The following EXOC4 variants were observed in gnomAD, a reference collection of about 807,000 sequenced individuals.
EXOC4 encodes exocyst complex component 4.
EXOC4 carries 71 observed loss-of-function variants against 107.2 expected under a neutral mutation model. The ratio of observed to expected loss-of-function variants is 0.66; its 90% CI spans 0.55 to 0.81. EXOC4 has a LOEUF of 0.81. EXOC4 is among the 30% of genes least tolerant of loss of function. The probability of loss-of-function intolerance (pLI) is 0.00; values close to 1 mark genes in which losing one functional copy is unlikely to be tolerated. For synonymous variants in EXOC4, 456 were observed against 441.2 expected (o/e 1.03, Z -0.42); for missense variants, 1,108 against 1,189.6 (o/e 0.93, Z 1.01).
At chr7:133,932,408 G>T (rs951943682) in intron 13 of EXOC4, among the ~76,000 whole-genome samples, 3 of 152,048 alleles carry the variant, frequency 2.0e-5, no homozygotes, top group African/African-American at 7.2e-5. Flanking sequence ...CTTCTTATTT[G>T]TTCCCTGAGC....
At chr7:133,306,628 A>G (rs948219131) in intron 4 of EXOC4, among the ~76,000 whole-genome samples, 3 of 152,012 alleles carry the variant, frequency 2.0e-5, no homozygotes, top group Non-Finnish European at 4.4e-5. Flanking sequence ...TGAGCCCAGG[A>G]GTTTGAGCTT....
intron 7 of EXOC4, among the ~76,000 whole-genome samples, chr7:133,414,072 C>T (rs2150749573): frequency 6.6e-6 from 1 of 152,256 alleles, no homozygotes; most frequent in Non-Finnish European, 1.5e-5. Context: ...GTATTTGTAA[C>T]TCTTCTAAGT....
Position 133,986,706 on chromosome 7 carries a change from A to T in EXOC4, c.2207-10786A>T, listed in dbSNP as rs138348574. Among the ~76,000 whole-genome samples, 22 of 152,338 alleles carry T rather than the reference A, an allele frequency of 1.4e-4. 1 individual carries two copies. In the East Asian group the frequency reaches 4.2e-3, roughly 29 times the overall value. On this transcript the variant is annotated intron_variant, in intron 14 of 17. Coordinates refer to ENST00000253861, the MANE Select transcript of EXOC4 (RefSeq NM_021807.4). ...ATTTAGTGCCTACAGTGTACAAAGC[A>T]CTGGGGTAAGGAAAGATTAGTTTGT...
chr7:133,865,143 A>T (rs1798610178), intron 11 of EXOC4, among the ~76,000 whole-genome samples: 1 of 151,914 alleles, frequency 6.6e-6, no homozygotes, highest in South Asian at 2.1e-4. Context: ...TGGGACAGGG[A>T]TGTTATCTTT....
the EXOC4 span, among the ~76,000 whole-genome samples, chr7:134,094,269 A>G: frequency 6.6e-6 from 1 of 152,196 alleles, no homozygotes; most frequent in African/African-American, 2.4e-5. Flanking sequence ...AGATCCTAAG[A>G]GACTATTATG....
chr7:133,967,717 T>C (rs1339157853), intron 14 of EXOC4, among the ~76,000 whole-genome samples: 1 of 152,216 alleles, frequency 6.6e-6, no homozygotes, highest in Non-Finnish European at 1.5e-5. Context: ...TTCCGTTCTT[T>C]TGCATTTGCT....
At chr7:133,814,573 A>G (rs1797318808) in intron 10 of EXOC4, among the ~76,000 whole-genome samples, 1 of 152,206 alleles carries the variant, frequency 6.6e-6, no homozygotes, top group African/African-American at 2.4e-5. Flanking sequence ...AAAGAAATTC[A>G]TCTGGCTTTT....
chr7:133,776,382 A>C (rs760957158), intron 10 of EXOC4, among the ~76,000 whole-genome samples: 2 of 152,142 alleles, frequency 1.3e-5, no homozygotes, highest in African/African-American at 2.4e-5. Context: ...ATATTAATTT[A>C]TTCAGTCATT....
At chr7:133,270,987 C>T (rs958666441) in intron 1 of EXOC4, among the ~76,000 whole-genome samples, 2 of 148,820 alleles carry the variant, frequency 1.3e-5, no homozygotes, top group Non-Finnish European at 1.5e-5. Flanking sequence ...GGCACGATCT[C>T]GGCTCACTGC....
intron 10 of EXOC4, among the ~76,000 whole-genome samples, chr7:133,720,946 T>C (rs1795093882): frequency 1.3e-5 from 2 of 152,198 alleles, no homozygotes; most frequent in Non-Finnish European, 2.9e-5. Flanking sequence ...CCTTCGATTT[T>C]CCTACATTAA....
chr7:133,713,660 A>G (rs2151099005), intron 10 of EXOC4, among the ~76,000 whole-genome samples: 1 of 152,244 alleles, frequency 6.6e-6, no homozygotes, highest in African/African-American at 2.4e-5. Context: ...AGGTAATTGA[A>G]TCATGGGGGG....
At chr7:133,309,136 C>T (rs1465781215) in intron 4 of EXOC4, among the ~76,000 whole-genome samples, 1 of 152,170 alleles carries the variant, frequency 6.6e-6, no homozygotes, top group Non-Finnish European at 1.5e-5. Flanking sequence ...TCTGAAACTC[C>T]ATGATCACCT....
intron 9 of EXOC4, among the ~76,000 whole-genome samples, chr7:133,605,098 A>G (rs1039375154): frequency 6.6e-6 from 1 of 152,104 alleles, no homozygotes; most frequent in African/African-American, 2.4e-5. Flanking sequence ...GTTGTTAGGT[A>G]TTCATGTAGG....
intron 17 of EXOC4, among the ~76,000 whole-genome samples, chr7:134,024,521 C>T (rs1421904119): frequency 6.6e-6 from 1 of 151,786 alleles, no homozygotes. Context: ...AATCAAGAAG[C>T]TCTGTCTTTT....
intron 9 of EXOC4, among the ~76,000 whole-genome samples, chr7:133,557,941 A>G (rs1260776361): frequency 6.6e-6 from 1 of 152,218 alleles, no homozygotes; most frequent in Non-Finnish European, 1.5e-5. Context: ...CAGTGAGCCA[A>G]GATCAGCACT....
intron 17 of EXOC4, among the ~76,000 whole-genome samples, chr7:134,019,562 ACT>A (rs200943751): frequency 0.012 from 1,783 of 152,226 alleles, 26 homozygotes; most frequent in African/African-American, 0.04. Flanking sequence ...TGTCCCTGAA[ACT>A]CTATATTTAG....
chr7:133,463,274 A>T (rs1798637798), intron 7 of EXOC4, among the ~76,000 whole-genome samples: 1 of 152,178 alleles, frequency 6.6e-6, no homozygotes, highest in African/African-American at 2.4e-5. Flanking sequence ...GAATGATGAC[A>T]TTAAGGAGCT....
At chr7:133,634,110 C>T (rs1802652008) in intron 10 of EXOC4, among the ~76,000 whole-genome samples, 1 of 152,186 alleles carries the variant, frequency 6.6e-6, no homozygotes, top group Non-Finnish European at 1.5e-5. Flanking sequence ...TATATATTCT[C>T]AGCAGTCGTT....
At chr7:133,539,787 T>G (rs1226436440) in intron 9 of EXOC4, among the ~76,000 whole-genome samples, 1 of 152,092 alleles carries the variant, frequency 6.6e-6, no homozygotes, top group African/African-American at 2.4e-5. Flanking sequence ...GGGCCTGAAT[T>G]TTTTAGTTGG....
Sources: allele counts gnomAD v4.1 joint callset (sites outside exome capture counted in the v4.1 genomes callset), GRCh38; gene constraint gnomAD v4.1.1; transcripts MANE v1.5; gene names NCBI Gene and HGNC (gene_info 2026-07-23, HGNC 2026-07-21).